STK4: variants seen among roughly 807,000 people sequenced by gnomAD.
The protein encoded by STK4 is serine/threonine-protein kinase 4.
A neutral mutation model predicts 64.9 loss-of-function variants in STK4; 30 were observed. That is an observed-to-expected ratio of 0.46 (90% CI 0.35 to 0.63). The LOEUF (loss-of-function observed/expected upper bound fraction) is 0.63. Ranked by LOEUF, STK4 falls within the 20% of genes least tolerant of loss-of-function variation. The probability of loss-of-function intolerance (pLI) is 0.01; values close to 1 mark genes in which losing one functional copy is unlikely to be tolerated. For synonymous variants in STK4, 177 were observed against 199.0 expected (o/e 0.89, Z 0.93); for missense variants, 466 against 598.5 (o/e 0.78, Z 2.31).
intron 10 of STK4, among the ~76,000 whole-genome samples, chr20:45,052,803 A>T (rs1053650637): frequency 1.3e-5 from 2 of 152,196 alleles, no homozygotes; most frequent in African/African-American, 4.8e-5. Context: ...TAGAAGAAAG[A>T]TGAATGGAGA....
chr20:45,062,158 G>A (rs1462697248), intron 10 of STK4, among the ~76,000 whole-genome samples: 1 of 152,072 alleles, frequency 6.6e-6, no homozygotes, highest in Admixed American at 6.5e-5. Flanking sequence ...GGGATTACAG[G>A]TGTGAGCCAC....
At chr20:44,989,948 T>C (rs1022551829) in intron 5 of STK4, among the ~76,000 whole-genome samples, 2 of 152,218 alleles carry the variant, frequency 1.3e-5, no homozygotes, top group Non-Finnish European at 2.9e-5. Context: ...ACTGTAAGTT[T>C]GAAGTAATTT....
At chr20:44,978,137 T>G (rs115598560) in intron 2 of STK4, among the ~76,000 whole-genome samples, 1,963 of 152,328 alleles carry the variant, frequency 0.013, 40 homozygotes, top group African/African-American at 0.044. Context: ...TTTGTAGGAA[T>G]GAATTGAGAT....
chr20:45,038,589 C>T (rs547914690), intron 10 of STK4, among the ~76,000 whole-genome samples: 107 of 152,142 alleles, frequency 7.0e-4, no homozygotes, highest in Non-Finnish European at 1.3e-3. Flanking sequence ...TTTCAACCTT[C>T]ATTCGGGATA....
At chr20:45,074,917 C>CT in intron 10 of STK4, 101 bp from the exon 11 acceptor site, 1 of 1,431,774 alleles carries the variant, frequency 7.0e-7, no homozygotes, top group Non-Finnish European at 9.6e-7. Context: ...TGTCTTCCTC[C>CT]TGTCTCCCTT....
chr20:45,060,291 T>C (rs975128496), intron 10 of STK4, among the ~76,000 whole-genome samples: 7 of 152,210 alleles, frequency 4.6e-5, no homozygotes, highest in Non-Finnish European at 8.8e-5. Flanking sequence ...AATGAGCTCA[T>C]AAGTCTTTTC....
chr20:44,997,878 C>T (rs950049659), intron 7 of STK4, among the ~76,000 whole-genome samples: 3 of 152,176 alleles, frequency 2.0e-5, no homozygotes, highest in Non-Finnish European at 4.4e-5. Flanking sequence ...ACATACTTTG[C>T]ATATGTGCCA....
chr20:44,978,009 AAC>A (rs2067369110), intron 2 of STK4, among the ~76,000 whole-genome samples: 1 of 152,214 alleles, frequency 6.6e-6, no homozygotes, highest in African/African-American at 2.4e-5. Flanking sequence ...CTGGACTGAT[AAC>A]ACAACTGGTT....
chr20:44,991,402 T>G (rs542825064), intron 5 of STK4, among the ~76,000 whole-genome samples: 1 of 152,342 alleles, frequency 6.6e-6, no homozygotes, highest in Non-Finnish European at 1.5e-5. Flanking sequence ...TCAGAAAATA[T>G]GTGAATGTAT....
intron 10 of STK4, among the ~76,000 whole-genome samples, chr20:45,054,906 G>A (rs1978340247): frequency 6.6e-6 from 1 of 152,046 alleles, no homozygotes; most frequent in Admixed American, 6.6e-5. Context: ...TCTCATTAAG[G>A]CAATACAGGC....
chr20:45,023,853 T>C (rs1191072113), intron 9 of STK4, among the ~76,000 whole-genome samples: 1 of 151,972 alleles, frequency 6.6e-6, no homozygotes, highest in African/African-American at 2.4e-5. Flanking sequence ...TATAATTCTT[T>C]TAATCAATTC....
chr20:45,020,862 A>C (rs73300570), intron 9 of STK4, among the ~76,000 whole-genome samples: 9,322 of 151,222 alleles, frequency 0.062, 952 homozygotes, highest in African/African-American at 0.21. Flanking sequence ...CCCAGGCTGG[A>C]GTACAGTTGT....
In STK4 at chr20:44,999,799, A is replaced by G. The variant is rs553199108; in HGVS notation, c.832-593A>G. Among the ~76,000 whole-genome samples, 14 of 152,352 alleles carry G rather than the reference A, an allele frequency of 9.2e-5. No homozygotes were observed. In the South Asian group the frequency reaches 2.5e-3, roughly 27 times the overall value. ...TAAATGTGTAGTTGGAAATGCTACC[A>G]TAGAAAGAACAAGTCAGATGAGTAG... On this transcript the variant is annotated intron_variant, in intron 7 of 10. Transcript: ENST00000372806.
chr20:45,067,418 G>A (rs1392918428), intron 10 of STK4, among the ~76,000 whole-genome samples: 4 of 152,196 alleles, frequency 2.6e-5, no homozygotes, highest in African/African-American at 9.6e-5. Context: ...AAAAGCTCTG[G>A]CAGGTCTCTC....
At chr20:45,037,538 T>G (rs1210388531) in intron 10 of STK4, among the ~76,000 whole-genome samples, 1 of 152,128 alleles carries the variant, frequency 6.6e-6, no homozygotes, top group Non-Finnish European at 1.5e-5. Context: ...CAAAATTAAT[T>G]TGATAAAAGT....
intron 10 of STK4, among the ~76,000 whole-genome samples, chr20:45,029,065 T>G (rs1256214358): frequency 6.6e-6 from 1 of 152,146 alleles, no homozygotes; most frequent in Admixed American, 6.5e-5. Flanking sequence ...TCCTATACGG[T>G]GTTTAAATTT....
intron 9 of STK4, among the ~76,000 whole-genome samples, chr20:45,012,495 T>C (rs1260742796): frequency 6.6e-6 from 1 of 152,252 alleles, no homozygotes; most frequent in African/African-American, 2.4e-5. Flanking sequence ...CTGTTTGGTC[T>C]ATCTTTTATA....
At chr20:45,053,105 A>G (rs770596182) in intron 10 of STK4, 2 of 1,612,644 alleles carry the variant, frequency 1.2e-6, no homozygotes, top group Admixed American at 3.3e-5. Context: ...CAAGAACAGC[A>G]GTCTGGAAAA....
intron 9 of STK4, among the ~76,000 whole-genome samples, chr20:45,005,951 A>G (rs1277928889): frequency 6.6e-6 from 1 of 151,428 alleles, no homozygotes; most frequent in Non-Finnish European, 1.5e-5. Context: ...TCATTTTGAT[A>G]TTTTCTGGTA....
Sources: gnomAD v4.1 joint callset for allele counts (sites outside exome capture counted in the v4.1 genomes callset) on GRCh38, gnomAD v4.1.1 for gene constraint, MANE v1.5 for transcripts, NCBI Gene and HGNC (gene_info 2026-07-23, HGNC 2026-07-21) for gene names.